MAST2: variants seen among roughly 807,000 people sequenced by gnomAD.
The protein encoded by MAST2 is microtubule associated serine/threonine kinase 2.
A neutral mutation model predicts 147.4 loss-of-function variants in MAST2; 70 were observed. That is an observed-to-expected ratio of 0.47 (90% CI 0.39 to 0.58). The LOEUF (loss-of-function observed/expected upper bound fraction) is 0.58. MAST2 is among the 20% of genes least tolerant of loss of function. The pLI is 0.00. For missense variants in MAST2, 2,080 were observed against 2,302.3 expected, an observed-to-expected ratio of 0.90 and a Z score of 1.98; for synonymous variants, 869 against 896.8, an observed-to-expected ratio of 0.97 and a Z score of 0.55.
rs911912702 is a variant in MAST2 at position 45,967,232 on chromosome 1, C to T, written c.592+7755C>T. ...GGGACTACAGGTGTGTGCCACCACA[C>T]CCAACTAATTCTGTATTTTTAGTAG... On this transcript the variant is annotated intron_variant, in intron 5 of 28. Coordinates refer to ENST00000361297, the MANE Select transcript of MAST2 (RefSeq NM_015112.3). 1.1e-4 allele frequency among the ~76,000 whole-genome samples: 16 copies of T among 152,062 alleles called. No individual in the cohort carries two copies. The East Asian group carries it at 3.1e-3, about 29-fold the overall frequency.
At chr1:46,027,664 T>C (rs1646471518) in intron 16 of MAST2, 67 bp from the exon 17 acceptor site, 4 of 1,537,600 alleles carry the variant, frequency 2.6e-6, no homozygotes, top group Admixed American at 3.7e-5. Flanking sequence ...AAACTGGGCA[T>C]ATACTAAAAT....
chr1:45,911,216 G>T (rs1651604020), intron 4 of MAST2, among the ~76,000 whole-genome samples: 1 of 152,170 alleles, frequency 6.6e-6, no homozygotes, highest in South Asian at 2.1e-4. Flanking sequence ...AAAGTCACAG[G>T]AATATTGGCA....
rs1455204541 is a variant in MAST2, at chr1:46,010,850, C to T, written c.1099C>T (p.Arg367Ter). ...TCATCATCAGGTGATTGAGATGGCC[C>T]GAGACTGCCTGGATAAATCTCGGAG... ...FIHHQVIEMA[R>*]DCLDKSRSGL... Residue 367 changes from arginine (R) to a stop codon, truncating the protein, a stop_gained, in exon 10 of 29, where the codon CGA becomes TGA. Coordinates refer to ENST00000361297, the MANE Select transcript of MAST2 (RefSeq NM_015112.3). LOFTEE classifies it high-confidence loss of function. 2 of 1,614,178 alleles carry T rather than the reference C, an allele frequency of 1.2e-6. No homozygotes were observed. Among genetic ancestry groups the T allele is most frequent in the South Asian group, 1.1e-5 (1 of 91,078 alleles).
intron 3 of MAST2, among the ~76,000 whole-genome samples, chr1:45,855,313 TAA>T (rs770127566): frequency 1.9e-4 from 24 of 127,864 alleles, no homozygotes; most frequent in Non-Finnish European, 3.1e-4. Flanking sequence ...GATATCACAA[TAA>T]GTTTTGAGGA....
chr1:45,825,798 T>C (rs1339074317), intron 2 of MAST2, among the ~76,000 whole-genome samples: 1 of 151,212 alleles, frequency 6.6e-6, no homozygotes, highest in East Asian at 2.0e-4. Context: ...AAAATGTGGC[T>C]GGGTGTGGTG....
At chr1:45,816,805 G>A (rs955686325) in intron 1 of MAST2, among the ~76,000 whole-genome samples, 1 of 152,152 alleles carries the variant, frequency 6.6e-6, no homozygotes, top group Non-Finnish European at 1.5e-5. Context: ...AGCCTCCCAA[G>A]TAGCTGGGAT....
chr1:45,927,147 G>A (rs1049400302), intron 4 of MAST2, among the ~76,000 whole-genome samples: 3 of 152,172 alleles, frequency 2.0e-5, no homozygotes, highest in African/African-American at 7.2e-5. Context: ...AGGTGTGGGT[G>A]ACAGACATCA....
chr1:45,889,968 CTT>C (rs1176729739), intron 4 of MAST2, among the ~76,000 whole-genome samples: 1 of 152,106 alleles, frequency 6.6e-6, no homozygotes, highest in Admixed American at 6.6e-5. Context: ...TGGTCTCAAT[CTT>C]TTGACCTCGT....
intron 5 of MAST2, among the ~76,000 whole-genome samples, chr1:45,961,277 A>C (rs1660380867): frequency 6.6e-6 from 1 of 152,188 alleles, no homozygotes; most frequent in African/African-American, 2.4e-5. Context: ...TAGCTCAAAC[A>C]GCACATCCTA....
intron 3 of MAST2, among the ~76,000 whole-genome samples, chr1:45,852,321 T>C (rs1645648559): frequency 1.3e-5 from 2 of 152,122 alleles, no homozygotes; most frequent in South Asian, 4.1e-4. Flanking sequence ...CTTTATCTTC[T>C]TGCAACCACT....
intron 1 of MAST2, among the ~76,000 whole-genome samples, chr1:45,811,462 T>C (rs1260645104): frequency 6.4e-5 from 9 of 141,404 alleles, no homozygotes; most frequent in South Asian, 2.3e-4. Context: ...CCTCAGCCTC[T>C]GGAGTAGCTG....
At chr1:45,827,987 A>G (rs1245139799) in intron 2 of MAST2, among the ~76,000 whole-genome samples, 1 of 149,706 alleles carries the variant, frequency 6.7e-6, no homozygotes, top group Non-Finnish European at 1.5e-5. Context: ...ACACACCACC[A>G]TGCCTGGCTA....
intron 10 of MAST2, among the ~76,000 whole-genome samples, chr1:46,012,903 GGCCTCTCAAAGTGCT>G (rs1645774014): frequency 6.6e-6 from 1 of 151,904 alleles, no homozygotes; most frequent in Admixed American, 6.6e-5. Context: ...GCCCTGCCTC[GGCCTCTCAAAGTGCT>G]GGGATTACAG....
intron 5 of MAST2, among the ~76,000 whole-genome samples, chr1:45,990,482 G>T (rs1644815690): frequency 6.6e-6 from 1 of 151,902 alleles, no homozygotes; most frequent in African/African-American, 2.4e-5. Context: ...GGGGTTGGGG[G>T]TTGGGACTTG....
chr1:45,832,232 C>T (rs1644980164), intron 3 of MAST2, among the ~76,000 whole-genome samples: 1 of 151,974 alleles, frequency 6.6e-6, no homozygotes, highest in Admixed American at 6.6e-5. Flanking sequence ...ATGAGTGTAC[C>T]CTCCTAGAGA....
At chr1:45,850,057 A>G (rs1004368380) in intron 3 of MAST2, among the ~76,000 whole-genome samples, 4 of 152,198 alleles carry the variant, frequency 2.6e-5, no homozygotes, top group Non-Finnish European at 5.9e-5. Flanking sequence ...ACTAATTTAC[A>G]TTCCTACCAA....
chr1:45,945,401 TAAAAC>T (rs900810685), intron 4 of MAST2, among the ~76,000 whole-genome samples: 1 of 152,126 alleles, frequency 6.6e-6, no homozygotes, highest in Non-Finnish European at 1.5e-5. Context: ...AATAAAAAGA[TAAAAC>T]AACAACCATA....
chr1:46,005,192 A>G (rs988114876), intron 7 of MAST2, among the ~76,000 whole-genome samples: 1 of 152,142 alleles, frequency 6.6e-6, no homozygotes, highest in Non-Finnish European at 1.5e-5. Flanking sequence ...GAAAAACCCC[A>G]TCTTTATTAA....
At chr1:45,824,639 GTA>G (rs10561161) in intron 2 of MAST2, 59 bp downstream of exon 2, 450,172 of 1,462,190 alleles carry the variant, frequency 0.31, 71,494 homozygotes, top group African/African-American at 0.44. Context: ...ATATTTAAGT[GTA>G]TATTAATTGA....
Sources: gnomAD v4.1 joint callset for allele counts (sites outside exome capture counted in the v4.1 genomes callset) on GRCh38, gnomAD v4.1.1 for gene constraint, MANE v1.5 for transcripts, NCBI Gene and HGNC (gene_info 2026-07-23, HGNC 2026-07-21) for gene names.